The following MGAT4C variants were observed in gnomAD, a reference collection of about 807,000 sequenced individuals.
MGAT4C encodes the protein alpha-1,3-mannosyl-glycoprotein 4-beta-N-acetylglucosaminyltransferase C.
In MGAT4C, 19 loss-of-function variants were observed where a neutral mutation model predicts 40.1. The observed-to-expected ratio is 0.47, with a 90% CI of 0.33 to 0.70. The LOEUF (loss-of-function observed/expected upper bound fraction) is 0.70. Ranked by LOEUF, MGAT4C falls within the 30% of genes least tolerant of loss-of-function variation. The pLI is 0.02. For synonymous variants in MGAT4C, 181 were observed against 187.1 expected (o/e 0.97, Z 0.27); for missense variants, 491 against 563.2 (o/e 0.87, Z 1.30).
At chr12:86,208,675 T>C (rs1950350547) in intron 1 of MGAT4C, among the ~76,000 whole-genome samples, 1 of 152,156 alleles carries the variant, frequency 6.6e-6, no homozygotes, top group South Asian at 2.1e-4. Context: ...TTTTTAATTT[T>C]TGCCCTGTTT....
chr12:86,681,448 T>C (rs575741608), intron 2 of MGAT4C, among the ~76,000 whole-genome samples: 2 of 152,004 alleles, frequency 1.3e-5, no homozygotes, highest in Non-Finnish European at 2.9e-5. Flanking sequence ...ATTCAATTAA[T>C]CAGATTTTCT....
chr12:86,193,992 C>T (rs1475853160), intron 1 of MGAT4C, among the ~76,000 whole-genome samples: 1 of 152,030 alleles, frequency 6.6e-6, no homozygotes, highest in Non-Finnish European at 1.5e-5. Flanking sequence ...TTCTCTCTTT[C>T]CTTTTATTTG....
chr12:86,302,531 C>T (rs912542238), intron 4 of MGAT4C, among the ~76,000 whole-genome samples: 5 of 150,368 alleles, frequency 3.3e-5, no homozygotes, highest in African/African-American at 7.5e-5. Flanking sequence ...CGGGCTAAAG[C>T]GATTCTCCTG....
intron 3 of MGAT4C, among the ~76,000 whole-genome samples, chr12:86,350,622 A>T (rs1391778427): frequency 6.6e-6 from 1 of 152,190 alleles, no homozygotes; most frequent in Admixed American, 6.5e-5. Context: ...ACATACAATG[A>T]TTAGGCTTGT....
chr12:86,725,040 C>T (rs1950799259), intron 2 of MGAT4C, among the ~76,000 whole-genome samples: 1 of 152,196 alleles, frequency 6.6e-6, no homozygotes, highest in Non-Finnish European at 1.5e-5. Context: ...AAATAATCAG[C>T]ATCACCTGAA....
At chr12:86,690,161 C>T (rs1005969235) in intron 2 of MGAT4C, among the ~76,000 whole-genome samples, 1 of 152,134 alleles carries the variant, frequency 6.6e-6, no homozygotes, top group African/African-American at 2.4e-5. Context: ...TGATGCCCCT[C>T]CCCCTACCAA....
intron 1 of MGAT4C, among the ~76,000 whole-genome samples, chr12:86,206,418 T>C (rs6538025): frequency 0.66 from 100,138 of 151,996 alleles, 33,482 homozygotes; most frequent in South Asian, 0.76. Context: ...ATGACAACTA[T>C]AAGTAAGCTA....
chr12:86,087,919 A>G (rs1872182852), intron 1 of MGAT4C, among the ~76,000 whole-genome samples: 1 of 152,092 alleles, frequency 6.6e-6, no homozygotes, highest in Non-Finnish European at 1.5e-5. Context: ...GAGCTTGAAT[A>G]GCCAAGGCAA....
chr12:86,573,742 C>A (rs1285918851), intron 2 of MGAT4C, among the ~76,000 whole-genome samples: 1 of 151,934 alleles, frequency 6.6e-6, no homozygotes, highest in Non-Finnish European at 1.5e-5. Context: ...TCCTCAAGTG[C>A]ATGTTTAAAT....
intron 2 of MGAT4C, among the ~76,000 whole-genome samples, chr12:86,628,081 G>A (rs891136275): frequency 2.0e-5 from 3 of 152,288 alleles, no homozygotes; most frequent in East Asian, 1.9e-4. Context: ...ACCATGGCAG[G>A]AGAACTATGT....
At chr12:86,760,314 T>C (rs1951380128) in intron 1 of MGAT4C, among the ~76,000 whole-genome samples, 1 of 151,878 alleles carries the variant, frequency 6.6e-6, no homozygotes, top group African/African-American at 2.4e-5. Flanking sequence ...AACTATCAAA[T>C]CACTAGAAAA....
chr12:86,644,768 A>G (rs1435643714), intron 2 of MGAT4C, among the ~76,000 whole-genome samples: 2 of 151,770 alleles, frequency 1.3e-5, no homozygotes, highest in Admixed American at 6.6e-5. Context: ...AATTTTATCT[A>G]TATAATGTAA....
intron 2 of MGAT4C, among the ~76,000 whole-genome samples, chr12:86,589,232 T>C (rs1012437278): frequency 6.6e-6 from 1 of 151,780 alleles, no homozygotes; most frequent in Non-Finnish European, 1.5e-5. Context: ...TCACCACCAA[T>C]CCCACAGAAA....
chr12:86,460,673 T>C (rs1957584558), intron 2 of MGAT4C, among the ~76,000 whole-genome samples: 1 of 151,578 alleles, frequency 6.6e-6, no homozygotes, highest in South Asian at 2.1e-4. Flanking sequence ...AATAATAGCA[T>C]CTTAAAGATG....
chr12:85,960,659 T>G lies in MGAT4C; in HGVS notation c.*18630A>C, dbSNP rs1883065691. ...CTCTCCTTGGAAATATCTTTCAAAG[T>G]GGGTAATGAGAAAACTACTTTGAAG... On this transcript the variant is annotated 3_prime_UTR_variant, in exon 5 of 5. Transcript: ENST00000611864. The G allele has an allele frequency of 6.6e-6, 1 of 151,946 alleles. No homozygotes were observed. Among genetic ancestry groups the G allele is most frequent in the Non-Finnish European group, 1.5e-5 (1 of 67,874 alleles). 9.4% of individuals were successfully genotyped at this position (151,946 alleles called of 1,614,324 possible). A position where few individuals can be genotyped will look rare whatever the true frequency, so the allele number is the denominator to read the frequency against.
At chr12:86,534,269 T>A (rs1287179135) in intron 2 of MGAT4C, among the ~76,000 whole-genome samples, 1 of 152,146 alleles carries the variant, frequency 6.6e-6, no homozygotes, top group East Asian at 1.9e-4. Flanking sequence ...TTCTTTCTAC[T>A]GATTTCAGGT....
At chr12:86,074,704 GCT>G (rs1381018593) in intron 1 of MGAT4C, among the ~76,000 whole-genome samples, 1 of 152,174 alleles carries the variant, frequency 6.6e-6, no homozygotes, top group Non-Finnish European at 1.5e-5. Flanking sequence ...GTTCCACGTG[GCT>G]GGGGAAGCCT....
chr12:86,738,792 T>C (rs1208451306), intron 1 of MGAT4C, among the ~76,000 whole-genome samples: 1 of 151,140 alleles, frequency 6.6e-6, no homozygotes, highest in Non-Finnish European at 1.5e-5. Context: ...TAATTAGGAC[T>C]TTGGGGTTGA....
intron 1 of MGAT4C, among the ~76,000 whole-genome samples, chr12:86,754,206 AAATAATTGTATTG>A (rs1951265965): frequency 6.6e-6 from 1 of 152,138 alleles, no homozygotes; most frequent in African/African-American, 2.4e-5. Context: ...ACAAATCTCA[AAATAATTGTATTG>A]AATAAAAGAA....
Sources: gnomAD v4.1 joint callset for allele counts (sites outside exome capture counted in the v4.1 genomes callset) on GRCh38, gnomAD v4.1.1 for gene constraint, MANE v1.5 for transcripts, NCBI Gene and HGNC (gene_info 2026-07-23, HGNC 2026-07-21) for gene names.